EPM2A: variants seen among roughly 807,000 people sequenced by gnomAD.
EPM2A encodes the protein EPM2A glucan phosphatase, laforin.
EPM2A carries 21 observed loss-of-function variants against 26.5 expected under a neutral mutation model. The observed-to-expected ratio is 0.79, with a 90% CI of 0.56 to 1.14. The LOEUF is 1.14. Among genes scored for constraint, EPM2A ranks in the 50% most tolerant of loss-of-function variants. EPM2A has a pLI of 0.00. For synonymous variants in EPM2A, 217 were observed against 177.6 expected, an observed-to-expected ratio of 1.22 and a Z score of -1.76; for missense variants, 458 against 440.8, an observed-to-expected ratio of 1.04 and a Z score of -0.35.
At chr6:145,424,126 C>A (rs1475367725) in intron 4 of EPM2A, among the ~76,000 whole-genome samples, 2 of 152,202 alleles carry the variant, frequency 1.3e-5, no homozygotes, top group African/African-American at 4.8e-5. Flanking sequence ...ACCAGCTCGA[C>A]CAGTCCGACC....
At chr6:145,696,413 G>C (rs552039513) in intron 1 of EPM2A, among the ~76,000 whole-genome samples, 2 of 152,250 alleles carry the variant, frequency 1.3e-5, no homozygotes, top group African/African-American at 4.8e-5. Flanking sequence ...AAGTAGCTAA[G>C]AGTATAAATT....
At chr6:145,651,971 T>C (rs1014216421) in intron 2 of EPM2A, among the ~76,000 whole-genome samples, 1 of 152,180 alleles carries the variant, frequency 6.6e-6, no homozygotes, top group African/African-American at 2.4e-5. Flanking sequence ...ATGATATTTG[T>C]TGTTCATAAA....
intron 4 of EPM2A, among the ~76,000 whole-genome samples, chr6:145,433,491 C>T (rs1778947724): frequency 6.6e-6 from 1 of 152,094 alleles, no homozygotes; most frequent in African/African-American, 2.4e-5. Context: ...ATCATTCCAT[C>T]TTCTTCCCAC....
At chr6:145,604,070 TA>T (rs1781452115) in intron 2 of EPM2A, among the ~76,000 whole-genome samples, 1 of 152,124 alleles carries the variant, frequency 6.6e-6, no homozygotes, top group South Asian at 2.1e-4. Context: ...TTAAAATACA[TA>T]GGATGAAAAT....
At chr6:145,689,253 G>A (rs892516577) in intron 1 of EPM2A, among the ~76,000 whole-genome samples, 1 of 152,142 alleles carries the variant, frequency 6.6e-6, no homozygotes, top group African/African-American at 2.4e-5. Flanking sequence ...TCTTTTAGAG[G>A]ATGGGTTATT....
At chr6:145,718,081 C>G in intron 1 of EPM2A, among the ~76,000 whole-genome samples, 1 of 151,862 alleles carries the variant, frequency 6.6e-6, no homozygotes, top group Non-Finnish European at 1.5e-5. Flanking sequence ...CCCCATCAGG[C>G]TACCAATGAC....
At position 145,627,450 on chromosome 6, in the gene EPM2A, A is replaced by C. The variant is rs772620616; in HGVS notation, c.962T>G (p.Phe321Cys). 1.4e-5 allele frequency: 23 copies of C among 1,614,188 alleles called. 1 individual carries two copies. In the South Asian group the frequency reaches 2.5e-4, roughly 18 times the overall value. ...ARAQEDFFQK[F>C]GKVRSSVCSL Reference sequence around the variant, plus strand: ...ACACACAGAAGAACGAACCTTCCCAAATTTCTGGAAAAAATCTTCTTGTGC... The same window carrying C: ...ACACACAGAAGAACGAACCTTCCCACATTTCTGGAAAAAATCTTCTTGTGC... Residue 321 changes from phenylalanine to cysteine, a missense_variant, in exon 4 of 4, where the codon TTT (phenylalanine) becomes TGT (cysteine). Physicochemically the swap from Phe to Cys is radical, Grantham distance 205 (BLOSUM62 -2). Transcript: ENST00000367519.
At chr6:145,619,813 C>T (rs1775593427) in intron 2 of EPM2A, among the ~76,000 whole-genome samples, 1 of 152,050 alleles carries the variant, frequency 6.6e-6, no homozygotes, top group Non-Finnish European at 1.5e-5. Context: ...AGTATAAATA[C>T]CAGTGAGCAT....
At chr6:145,647,535 G>A (rs1455762885) in intron 2 of EPM2A, among the ~76,000 whole-genome samples, 1 of 152,182 alleles carries the variant, frequency 6.6e-6, no homozygotes, top group South Asian at 2.1e-4. Flanking sequence ...CTCTTGCTCT[G>A]AATTATGAGT....
chr6:145,554,106 T>C (rs1405407009), intron 2 of EPM2A, among the ~76,000 whole-genome samples: 6 of 151,914 alleles, frequency 3.9e-5, no homozygotes, highest in Non-Finnish European at 8.8e-5. Flanking sequence ...CAATGCTATG[T>C]GACAAGAACT....
intron 2 of EPM2A, among the ~76,000 whole-genome samples, chr6:145,656,487 G>A (rs1378557886): frequency 6.6e-6 from 1 of 152,206 alleles, no homozygotes; most frequent in Non-Finnish European, 1.5e-5. Flanking sequence ...AAATTAACAT[G>A]CATCATTAAG....
chr6:145,577,573 T>G (rs1428997100), intron 2 of EPM2A, among the ~76,000 whole-genome samples: 1 of 146,022 alleles, frequency 6.8e-6, no homozygotes, highest in African/African-American at 2.8e-5. Context: ...TAAAGAGAAA[T>G]GTAGACCCCC....
At position 145,400,252 on chromosome 6, in the gene EPM2A, G is replaced by A. The variant is rs146522053; in HGVS notation, c.556-16155C>T. ...AAATCTTGGCCAAAGGCATAAATGAGAAATAAAAACACAATCCTAAGACAC... is the reference window on the plus strand; with the variant it reads ...AAATCTTGGCCAAAGGCATAAATGAAAAATAAAAACACAATCCTAAGACAC... On this transcript the variant is annotated intron_variant, in intron 4 of 4. Transcript: ENST00000638717. 3.2e-3 allele frequency among the ~76,000 whole-genome samples: 488 copies of A among 152,274 alleles called. 9 individuals are homozygous for A. The East Asian group carries it at 0.057, about 18-fold the overall frequency.
chr6:145,690,559 C>A (rs1298572404), intron 1 of EPM2A, among the ~76,000 whole-genome samples: 2 of 137,024 alleles, frequency 1.5e-5, no homozygotes, highest in Admixed American at 7.2e-5. Flanking sequence ...AACCTCATTA[C>A]ATAATACCCA....
chr6:145,606,170 A>C (rs1775253008), intron 2 of EPM2A, among the ~76,000 whole-genome samples: 1 of 152,110 alleles, frequency 6.6e-6, no homozygotes, highest in Non-Finnish European at 1.5e-5. Context: ...AAGGAAAAAA[A>C]ACACAATTGC....
chr6:145,443,007 C>T (rs546964308), intron 4 of EPM2A, among the ~76,000 whole-genome samples: 57 of 152,036 alleles, frequency 3.7e-4, no homozygotes, highest in Non-Finnish European at 5.1e-4. Context: ...ACTACAGGCA[C>T]CTGCCACCAC....
chr6:145,670,942 T>G (rs1779593122), intron 2 of EPM2A: 1 of 984,536 alleles, frequency 1.0e-6, no homozygotes, highest in Non-Finnish European at 1.2e-6. Flanking sequence ...AGGAGAAGCA[T>G]GTTGTTTTCC....
At chr6:145,443,785 G>C (rs944922069) in intron 4 of EPM2A, among the ~76,000 whole-genome samples, 2 of 152,126 alleles carry the variant, frequency 1.3e-5, no homozygotes, top group Non-Finnish European at 2.9e-5. Flanking sequence ...TGAATCATGG[G>C]GGTGGGTATT....
intron 2 of EPM2A, among the ~76,000 whole-genome samples, chr6:145,684,541 T>G (rs1780771670): frequency 6.6e-6 from 1 of 152,202 alleles, no homozygotes; most frequent in South Asian, 2.1e-4. Flanking sequence ...TATTTTTGCT[T>G]CTTCTCTTTG....
Sources: gnomAD v4.1 joint callset for allele counts (sites outside exome capture counted in the v4.1 genomes callset) on GRCh38, gnomAD v4.1.1 for gene constraint, MANE v1.5 for transcripts, NCBI Gene and HGNC (gene_info 2026-07-23, HGNC 2026-07-21) for gene names.